RAP1GDS1: variants seen among roughly 807,000 people sequenced by gnomAD.
The protein encoded by RAP1GDS1 is RAP1, GTP-GDP dissociation stimulator 1.
In RAP1GDS1, 35 loss-of-function variants were observed where a neutral mutation model predicts 71.1. The ratio of observed to expected loss-of-function variants is 0.49; its 90% CI spans 0.38 to 0.65. The LOEUF (loss-of-function observed/expected upper bound fraction) is 0.65, where lower values mean the gene tolerates loss of function less well. RAP1GDS1 is among the 30% of genes least tolerant of loss of function. The pLI is 0.00. For synonymous variants in RAP1GDS1, 229 were observed against 243.1 expected (o/e 0.94, Z 0.54); for missense variants, 663 against 706.1 (o/e 0.94, Z 0.69).
intron 5 of RAP1GDS1, among the ~76,000 whole-genome samples, chr4:98,383,263 A>G (rs945815164): frequency 2.6e-5 from 4 of 151,626 alleles, no homozygotes; most frequent in Non-Finnish European, 5.9e-5. Flanking sequence ...ATTAAACACT[A>G]AAGTTACTAT....
intron 7 of RAP1GDS1, among the ~76,000 whole-genome samples, chr4:98,408,400 T>G (rs934063041): frequency 1.8e-4 from 27 of 152,302 alleles, no homozygotes; most frequent in Admixed American, 1.2e-3. Context: ...CCCAAAATAC[T>G]GGGATTACAG....
rs1578428719 is a variant in RAP1GDS1, at chr4:98,321,588, C to G, written c.113-21551C>G. On this transcript the variant is annotated intron_variant, in intron 2 of 14. Coordinates refer to ENST00000408927, the MANE Select transcript of RAP1GDS1 (RefSeq NM_001100427.2). ...AGCGGATCTCTCGGCAGAAACCCTA[C>G]AAGCCAGAAGAGTGGGGGCCAATAT... Among the ~76,000 whole-genome samples the G allele has an allele frequency of 2.0e-5, 3 of 151,798 alleles. No homozygotes were observed. In the South Asian group the frequency reaches 6.3e-4, roughly 32 times the overall value.
At chr4:98,437,937 AT>A (rs1265837135) in intron 14 of RAP1GDS1, among the ~76,000 whole-genome samples, 2 of 151,952 alleles carry the variant, frequency 1.3e-5, no homozygotes, top group Non-Finnish European at 2.9e-5. Flanking sequence ...TGTGAATTTG[AT>A]TCTGTTGGTA....
At chr4:98,338,258 G>T (rs1734982071) in intron 2 of RAP1GDS1, among the ~76,000 whole-genome samples, 1 of 152,102 alleles carries the variant, frequency 6.6e-6, no homozygotes, top group African/African-American at 2.4e-5. Context: ...ACCATTCACT[G>T]AGTTAGAGAC....
At chr4:98,409,366 T>C (rs1746664075) in intron 7 of RAP1GDS1, 1 of 153,414 alleles carries the variant, frequency 6.5e-6, no homozygotes, top group African/African-American at 2.4e-5. Flanking sequence ...GTTGTTCCTT[T>C]AGCCACATAC....
At chr4:98,274,115 G>A (rs1483348828) in intron 1 of RAP1GDS1, among the ~76,000 whole-genome samples, 4 of 152,148 alleles carry the variant, frequency 2.6e-5, no homozygotes, top group South Asian at 2.1e-4. Flanking sequence ...ATTTTCTCAC[G>A]TAAGCACTGC....
chr4:98,399,281 A>G (rs904353118), intron 6 of RAP1GDS1, among the ~76,000 whole-genome samples: 1 of 152,204 alleles, frequency 6.6e-6, no homozygotes, highest in African/African-American at 2.4e-5. Flanking sequence ...AAGAGAGGCT[A>G]CAGAATGGGA....
chr4:98,441,400 G>A, intron 14 of RAP1GDS1: 1 of 984,858 alleles, frequency 1.0e-6, no homozygotes. Flanking sequence ...TTTGTTGAAG[G>A]ATATGAAGTA....
intron 5 of RAP1GDS1, chr4:98,387,606 A>C: frequency 2.7e-6 from 1 of 376,566 alleles, no homozygotes; most frequent in South Asian, 1.9e-5. Flanking sequence ...CTTCCTCCCC[A>C]TAGATCATGT....
At position 98,324,347 on chromosome 4, in the gene RAP1GDS1, A is replaced by G. The variant is rs547152835; in HGVS notation, c.113-18792A>G. Among the ~76,000 whole-genome samples, 4 of 152,314 alleles carry G rather than the reference A, an allele frequency of 2.6e-5. No individual in the cohort carries two copies. In the East Asian group the frequency reaches 5.8e-4, roughly 22 times the overall value. ...TATCGTGAAAATGGCCGTACTACCC[A>G]AGGTAATTTACAGATTCAATGGCAT... On this transcript the variant is annotated intron_variant, in intron 2 of 14. Transcript: ENST00000408927.
intron 1 of RAP1GDS1, among the ~76,000 whole-genome samples, chr4:98,283,028 A>G (rs1398705598): frequency 6.6e-6 from 1 of 152,158 alleles, no homozygotes; most frequent in Non-Finnish European, 1.5e-5. Flanking sequence ...CGTTAAAAAA[A>G]AATTGCCTTT....
chr4:98,428,115 A>C (rs1298927319), intron 12 of RAP1GDS1, among the ~76,000 whole-genome samples: 1 of 152,136 alleles, frequency 6.6e-6, no homozygotes, highest in Admixed American at 6.5e-5. Context: ...AAAGGGCACC[A>C]TATTCAACAA....
intron 7 of RAP1GDS1, among the ~76,000 whole-genome samples, chr4:98,413,905 T>C (rs1438578342): frequency 2.0e-4 from 30 of 151,928 alleles, no homozygotes; most frequent in African/African-American, 6.0e-4. Context: ...TTTTAATGAT[T>C]GCCATTCTAA....
intron 7 of RAP1GDS1, among the ~76,000 whole-genome samples, chr4:98,407,492 A>C (rs1188188430): frequency 1.3e-5 from 2 of 151,186 alleles, no homozygotes; most frequent in African/African-American, 2.5e-5. Context: ...CACACACACA[A>C]CATGGAATAC....
At chr4:98,347,664 TCTTTCCCTTGCAGTACTGCCC>T (rs559692205) in intron 3 of RAP1GDS1, among the ~76,000 whole-genome samples, 57 of 152,350 alleles carry the variant, frequency 3.7e-4, no homozygotes, top group Non-Finnish European at 6.8e-4. Flanking sequence ...GGTTTCAGCC[TCTTTCCCTTGCAGTACTGCCC>T]CTTTCCCCGA....
chr4:98,315,982 G>A (rs1406967289), intron 2 of RAP1GDS1, among the ~76,000 whole-genome samples: 2 of 152,134 alleles, frequency 1.3e-5, no homozygotes, highest in African/African-American at 4.8e-5. Context: ...AGGGTGAAAG[G>A]ATAACTGAAC....
chr4:98,442,284 ATAGTTAGTGTG>A lies in RAP1GDS1; in HGVS notation c.*168_*178del. ...CCTCCCTAATAAGATTTCTAAACCT[ATAGTTAGTGTG>A]ATCATGACTTTGTCAAAGGCAAGTC... is the stretch of plus-strand genomic sequence containing the variant. On this transcript the variant is annotated 3_prime_UTR_variant, in exon 15 of 15. Transcript: ENST00000408927. 1 of 916,812 alleles carries A rather than the reference ATAGTTAGTGTG, an allele frequency of 1.1e-6. No homozygotes were observed. Among genetic ancestry groups the A allele is most frequent in the South Asian group, 2.2e-5 (1 of 44,782 alleles). 56.8% of individuals were successfully genotyped at this position (916,812 alleles called of 1,614,324 possible).
chr4:98,363,478 CAAAAAAAAAAAAAA>C (rs34393905), intron 4 of RAP1GDS1, among the ~76,000 whole-genome samples: 13 of 37,732 alleles, frequency 3.4e-4, no homozygotes, highest in East Asian at 8.8e-4. Flanking sequence ...GACCCTGTCT[CAAAAAAAAAAAAAA>C]AAAAAAAAAA....
chr4:98,371,724 C>A (rs562187951), intron 4 of RAP1GDS1, among the ~76,000 whole-genome samples: 2 of 152,228 alleles, frequency 1.3e-5, no homozygotes, highest in African/African-American at 4.8e-5. Flanking sequence ...TCCCAAAGTG[C>A]TGGGATTACA....
Sources: gnomAD v4.1 joint callset for allele counts (sites outside exome capture counted in the v4.1 genomes callset) on GRCh38, gnomAD v4.1.1 for gene constraint, MANE v1.5 for transcripts, NCBI Gene and HGNC (gene_info 2026-07-23, HGNC 2026-07-21) for gene names.